NUBPL: variants seen among roughly 807,000 people sequenced by gnomAD.
NUBPL encodes NUBP iron-sulfur cluster assembly factor, mitochondrial.
Under a neutral mutation model 45.7 loss-of-function variants are expected in NUBPL, and 31 were observed. The ratio of observed to expected loss-of-function variants is 0.68; its 90% CI spans 0.51 to 0.92. NUBPL has a LOEUF of 0.92. Ranked by LOEUF, NUBPL falls within the 40% of genes least tolerant of loss-of-function variation. NUBPL has a pLI of 0.00. For missense variants in NUBPL, 401 were observed against 398.7 expected (o/e 1.01, Z -0.05); for synonymous variants, 144 against 140.9 (o/e 1.02, Z -0.15).
intron 6 of NUBPL, among the ~76,000 whole-genome samples, chr14:31,741,440 G>T (rs1004253494): frequency 5.9e-5 from 9 of 152,138 alleles, no homozygotes; most frequent in African/African-American, 1.9e-4. Flanking sequence ...GTTCAGCTCC[G>T]ATATAAACCC....
chr14:31,631,118 G>C (rs915339852), intron 4 of NUBPL, among the ~76,000 whole-genome samples: 3 of 152,114 alleles, frequency 2.0e-5, no homozygotes, highest in African/African-American at 7.2e-5. Context: ...GGCAGTCATA[G>C]AGCTCATCTC....
intron 8 of NUBPL, 61 bp from the exon 9 acceptor site, chr14:31,846,410 T>C (rs2040453356): frequency 7.1e-7 from 1 of 1,412,806 alleles, no homozygotes; most frequent in East Asian, 2.4e-5. Context: ...AAAAATTTGT[T>C]GAAGTAATGT....
intron 3 of NUBPL, among the ~76,000 whole-genome samples, chr14:31,580,455 T>C (rs1276160527): frequency 6.6e-6 from 1 of 152,030 alleles, no homozygotes; most frequent in Non-Finnish European, 1.5e-5. Flanking sequence ...AGATCCCCGT[T>C]TCTACAACAA....
intron 4 of NUBPL, among the ~76,000 whole-genome samples, chr14:31,645,345 C>T (rs770225016): frequency 2.0e-5 from 3 of 151,976 alleles, no homozygotes; most frequent in Non-Finnish European, 4.4e-5. Flanking sequence ...GGATTACAGG[C>T]GTGAGCCACT....
chr14:31,689,068 T>C (rs2037033775), intron 6 of NUBPL, among the ~76,000 whole-genome samples: 1 of 152,204 alleles, frequency 6.6e-6, no homozygotes, highest in Non-Finnish European at 1.5e-5. Context: ...CAGTCTACCA[T>C]TGATAGGCAT....
At chr14:31,659,655 A>G (rs2036222411) in intron 4 of NUBPL, among the ~76,000 whole-genome samples, 1 of 152,206 alleles carries the variant, frequency 6.6e-6, no homozygotes. Flanking sequence ...CGGAGTAGAA[A>G]AGAATCTGAT....
At chr14:31,704,252 T>C (rs2037398886) in intron 6 of NUBPL, among the ~76,000 whole-genome samples, 1 of 152,172 alleles carries the variant, frequency 6.6e-6, no homozygotes, top group Non-Finnish European at 1.5e-5. Context: ...CTTCTTCCTG[T>C]CCCACTGATG....
At chr14:31,734,689 T>G (rs927203397) in intron 6 of NUBPL, among the ~76,000 whole-genome samples, 2 of 152,216 alleles carry the variant, frequency 1.3e-5, no homozygotes, top group Non-Finnish European at 2.9e-5. Context: ...TATACGTGTC[T>G]ATGAGTTTTC....
At chr14:31,665,686 C>G (rs145439950) in intron 4 of NUBPL, among the ~76,000 whole-genome samples, 231 of 152,260 alleles carry the variant, frequency 1.5e-3, no homozygotes, top group African/African-American at 5.2e-3. Context: ...TGATGTGGTG[C>G]TAAGAAGAAT....
chr14:31,797,659 G>A (rs2039489125), intron 7 of NUBPL, among the ~76,000 whole-genome samples: 3 of 123,958 alleles, frequency 2.4e-5, no homozygotes, highest in Admixed American at 1.7e-4. Flanking sequence ...CCTGAATACA[G>A]CACACTGATG....
chr14:31,700,913 G>A (rs1012153470), intron 6 of NUBPL, among the ~76,000 whole-genome samples: 4 of 151,670 alleles, frequency 2.6e-5, no homozygotes, highest in Admixed American at 1.3e-4. Flanking sequence ...CCCATCGACC[G>A]CCCAAGGGCT....
At chr14:31,830,616 T>C (rs1273144202) in intron 8 of NUBPL, among the ~76,000 whole-genome samples, 2 of 152,244 alleles carry the variant, frequency 1.3e-5, no homozygotes, top group Admixed American at 6.5e-5. Context: ...CTGTCTCAGA[T>C]CTACTTACAC....
At position 31,846,518 on chromosome 14, in the gene NUBPL, TA is replaced by T. The variant is rs1247269611; in HGVS notation, c.744del (p.Lys248AsnfsTer15). The T allele has an allele frequency of 1.9e-6, 3 of 1,613,404 alleles. No individual in the cohort carries two copies. The highest frequency in any genetic ancestry group is 2.5e-6 in the Non-Finnish European group (3 of 1,179,672). ...TGAGTGTTTTCCAGTGTCCAAAATG[TA>T]AACACAAAACTCATATTTTTGGTGC... ...NMSVFQCPKC[K>X]HKTHIFGADG... On this transcript the variant is annotated frameshift_variant, in exon 9 of 11. Transcript: ENST00000281081. LOFTEE classifies it high-confidence loss of function.
rs1424162624 is a variant in NUBPL, at chr14:31,599,381, TAAGTA to T, written c.382+6_382+10del. 1 of 1,594,838 alleles carries T rather than the reference TAAGTA, an allele frequency of 6.3e-7. No homozygotes were observed. The highest frequency in any genetic ancestry group is 8.6e-7 in the Non-Finnish European group (1 of 1,163,224). On this transcript the variant is annotated splice_donor_5th_base_variant and intron_variant, in intron 4 of 10. Coordinates refer to ENST00000281081, the MANE Select transcript of NUBPL (RefSeq NM_025152.3). ...AAGGAAATCCGGAATTATCACAGAGTAAGTAAAGAAGGGATAAATATTATAATAAT... is the reference window on the plus strand; with the variant it reads ...AAGGAAATCCGGAATTATCACAGAGTAAGAAGGGATAAATATTATAATAAT...
Position 31,734,313 on chromosome 14 carries a change from A to G in NUBPL, c.514-53467A>G, listed in dbSNP as rs867411589. ...CTGTCTCTTGTCCTTCATTCACCCC[A>G]AGGATGACATTGGCTATTAAATGAA... On this transcript the variant is annotated intron_variant, in intron 6 of 10. Coordinates refer to ENST00000281081, the MANE Select transcript of NUBPL (RefSeq NM_025152.3). Among the ~76,000 whole-genome samples the G allele has an allele frequency of 1.2e-4, 19 of 152,270 alleles. 1 individual carries two copies. In the South Asian group the frequency reaches 3.7e-3, roughly 30 times the overall value.
At chr14:31,649,567 CT>C (rs1220672638) in intron 4 of NUBPL, among the ~76,000 whole-genome samples, 8 of 152,030 alleles carry the variant, frequency 5.3e-5, no homozygotes, top group African/African-American at 1.9e-4. Context: ...GAAATTTTAA[CT>C]TTTAAGGTTT....
intron 4 of NUBPL, among the ~76,000 whole-genome samples, chr14:31,645,774 A>ACC (rs35803247): frequency 0.16 from 12,804 of 82,106 alleles, 1,099 homozygotes; most frequent in East Asian, 0.25. Flanking sequence ...TATACTTTAC[A>ACC]CCCCCCCCCC....
rs543380317 is a variant in NUBPL, at chr14:31,745,190, A to G, written c.514-42590A>G. On this transcript the variant is annotated intron_variant, in intron 6 of 10. Coordinates refer to ENST00000281081, the MANE Select transcript of NUBPL (RefSeq NM_025152.3). ...TGCATTAGGTATGTCTCCTAATGCT[A>G]TCCCTCCCCGCTCTCCCCACCCCAC... Among the ~76,000 whole-genome samples, 316 of 151,948 alleles carry G rather than the reference A, an allele frequency of 2.1e-3. 1 individual carries two copies. Among genetic ancestry groups the G allele is most frequent in the African/African-American group, 7.3e-3 (302 of 41,414 alleles).
rs112353058 is a variant in NUBPL, at chr14:31,668,899, A to G, written c.383-4456A>G. 1.7e-4 allele frequency among the ~76,000 whole-genome samples: 26 copies of G among 151,494 alleles called. 1 individual carries two copies. The highest frequency in any genetic ancestry group is 5.6e-4 in the African/African-American group (23 of 41,230). ...CCTCTAACCAGTTCCGGTGAGATGA[A>G]CTGTGTATCTCAGTTGGAAATGCAG... On this transcript the variant is annotated intron_variant, in intron 4 of 10. Transcript: ENST00000281081.
Sources: allele counts gnomAD v4.1 joint callset (sites outside exome capture counted in the v4.1 genomes callset), GRCh38; gene constraint gnomAD v4.1.1; transcripts MANE v1.5; gene names NCBI Gene and HGNC (gene_info 2026-07-23, HGNC 2026-07-21).